The following CSMD1 variants were observed in gnomAD, a reference collection of about 807,000 sequenced individuals.
CSMD1 encodes CUB and Sushi multiple domains 1, also known as CUB and sushi domain-containing protein 1.
Under a neutral mutation model 417.5 loss-of-function variants are expected in CSMD1, and 213 were observed. That is an observed-to-expected ratio of 0.51 (90% CI 0.46 to 0.57). The LOEUF (loss-of-function observed/expected upper bound fraction) is 0.57. Ranked by LOEUF, CSMD1 falls within the 20% of genes least tolerant of loss-of-function variation. The probability of loss-of-function intolerance (pLI) is 0.00; values close to 1 mark genes in which losing one functional copy is unlikely to be tolerated. For synonymous variants in CSMD1, 2,862 were observed against 1,736.8 expected, an observed-to-expected ratio of 1.65 and a Z score of -16.11; for missense variants, 6,923 against 4,529.7, an observed-to-expected ratio of 1.53 and a Z score of -15.17.
rs537802361 is a variant in CSMD1, at chr8:4,948,527, G to A, written c.85+45805C>T. ...CTTCATTAAAGTTTCATAATCTTGT[G>A]AATACTGGTTTTGTAAATCTGCTAG... On this transcript the variant is annotated intron_variant, in intron 1 of 69. Transcript: ENST00000635120. 1.1e-3 allele frequency among the ~76,000 whole-genome samples: 165 copies of A among 151,980 alleles called. 1 individual carries two copies. Among genetic ancestry groups the A allele is most frequent in the African/African-American group, 3.7e-3 (154 of 41,510 alleles).
chr8:3,679,444 T>G (rs111801046), intron 7 of CSMD1, among the ~76,000 whole-genome samples: 1,854 of 152,216 alleles, frequency 0.012, 42 homozygotes, highest in African/African-American at 0.041. Flanking sequence ...AAGAAAGCCA[T>G]TACGTAATGG....
chr8:4,114,257 T>C (rs578173260), intron 3 of CSMD1, among the ~76,000 whole-genome samples: 1 of 152,198 alleles, frequency 6.6e-6, no homozygotes, highest in Non-Finnish European at 1.5e-5. Flanking sequence ...CCTAGGGCTC[T>C]TAAGAATGAT....
intron 26 of CSMD1, among the ~76,000 whole-genome samples, chr8:3,267,146 A>G (rs1470615445): frequency 6.6e-6 from 1 of 152,212 alleles, no homozygotes; most frequent in Non-Finnish European, 1.5e-5. Flanking sequence ...CGCGGCAGCC[A>G]GCGGGAATGT....
intron 2 of CSMD1, among the ~76,000 whole-genome samples, chr8:4,453,982 C>T (rs970276954): frequency 3.3e-5 from 5 of 151,724 alleles, no homozygotes; most frequent in East Asian, 2.0e-4. Context: ...CCACCGCGCC[C>T]GGCTAATTTT....
intron 2 of CSMD1, among the ~76,000 whole-genome samples, chr8:4,497,802 T>C (rs1461640793): frequency 1.3e-5 from 2 of 152,204 alleles, no homozygotes; most frequent in Non-Finnish European, 2.9e-5. Flanking sequence ...GAAAGATTGG[T>C]AGCAAGCACA....
At chr8:3,803,359 T>G (rs1800562227) in intron 5 of CSMD1, among the ~76,000 whole-genome samples, 1 of 152,104 alleles carries the variant, frequency 6.6e-6, no homozygotes, top group East Asian at 1.9e-4. Context: ...AAGACAAGAC[T>G]TGAATGGTAA....
At chr8:4,661,791 C>A (rs571696541) in intron 1 of CSMD1, among the ~76,000 whole-genome samples, 187 of 152,136 alleles carry the variant, frequency 1.2e-3, no homozygotes, top group Non-Finnish European at 2.4e-3. Flanking sequence ...AATCCTATAT[C>A]CAAAAAACGG....
intron 35 of CSMD1, 94 bp from the exon 36 acceptor site, chr8:3,188,059 TATATGTATATATATATAC>T (rs1796168148): frequency 1.1e-5 from 6 of 535,596 alleles, no homozygotes; most frequent in Admixed American, 9.4e-5. Flanking sequence ...GATTAAGGTG[TATATGTATATATATATAC>T]ATATGTATAT....
intron 5 of CSMD1, among the ~76,000 whole-genome samples, chr8:3,803,246 G>T (rs74394149): frequency 0.015 from 2,319 of 152,170 alleles, 49 homozygotes; most frequent in East Asian, 0.038. Context: ...CTGACTGCTT[G>T]GCATAAAGTC....
chr8:4,432,369 C>A (rs1054169536), intron 2 of CSMD1, among the ~76,000 whole-genome samples: 8 of 152,142 alleles, frequency 5.3e-5, no homozygotes, highest in African/African-American at 1.9e-4. Context: ...TGGCTATGAA[C>A]TTAGTGATTA....
intron 6 of CSMD1, among the ~76,000 whole-genome samples, chr8:3,744,801 C>A (rs1476924753): frequency 6.9e-6 from 1 of 143,986 alleles, no homozygotes; most frequent in East Asian, 2.3e-4. Context: ...GAATGACATT[C>A]TTATTTATTT....
intron 1 of CSMD1, among the ~76,000 whole-genome samples, chr8:4,905,663 C>CA (rs567311205): frequency 0.023 from 3,440 of 151,362 alleles, 50 homozygotes; most frequent in Non-Finnish European, 0.036. Context: ...ACTAAAACTA[C>CA]AAAAAAATTA....
intron 6 of CSMD1, among the ~76,000 whole-genome samples, chr8:3,749,186 T>A (rs905665176): frequency 2.0e-5 from 3 of 152,200 alleles, no homozygotes; most frequent in Admixed American, 1.3e-4. Context: ...TTAATTATAA[T>A]TAATGATGGA....
intron 3 of CSMD1, among the ~76,000 whole-genome samples, chr8:4,333,021 T>C (rs1459305539): frequency 6.6e-6 from 1 of 152,064 alleles, no homozygotes; most frequent in Non-Finnish European, 1.5e-5. Context: ...ACAATGTATT[T>C]CTCATCCCAC....
chr8:4,591,434 T>C (rs923520061), intron 2 of CSMD1, among the ~76,000 whole-genome samples: 1 of 152,120 alleles, frequency 6.6e-6, no homozygotes, highest in African/African-American at 2.4e-5. Context: ...CAAACAGAAA[T>C]GAGCAAAGCT....
chr8:3,070,592 G>C (rs1471409604), intron 49 of CSMD1, among the ~76,000 whole-genome samples: 2 of 152,164 alleles, frequency 1.3e-5, no homozygotes, highest in Non-Finnish European at 2.9e-5. Flanking sequence ...CATGACCTTT[G>C]CTCCAATTCC....
intron 6 of CSMD1, among the ~76,000 whole-genome samples, chr8:3,729,650 C>T (rs1043867873): frequency 2.6e-5 from 4 of 151,098 alleles, no homozygotes; most frequent in African/African-American, 7.4e-5. Context: ...TTAGAGGAAG[C>T]GATGGGGGCT....
chr8:4,657,743 G>A (rs1804335191), intron 1 of CSMD1, among the ~76,000 whole-genome samples: 5 of 148,866 alleles, frequency 3.4e-5, no homozygotes, highest in Admixed American at 3.3e-4. Flanking sequence ...AACTCTCCCT[G>A]AAAAAGCACG....
At chr8:2,961,276 C>T (rs1803456262) in intron 61 of CSMD1, 62 bp from the exon 62 acceptor site, 3 of 996,942 alleles carry the variant, frequency 3.0e-6, no homozygotes, top group Admixed American at 4.1e-5. Flanking sequence ...AGAATTTTAA[C>T]AGCTTTCACT....
Sources: allele counts gnomAD v4.1 joint callset (sites outside exome capture counted in the v4.1 genomes callset), GRCh38; gene constraint gnomAD v4.1.1; transcripts MANE v1.5; gene names NCBI Gene and HGNC (gene_info 2026-07-23, HGNC 2026-07-21).